Variants in ANKS1B observed in about 807,000 individuals in gnomAD.
ANKS1B encodes the protein ankyrin repeat and sterile alpha motif domain containing 1B, also known as ankyrin repeat and sterile alpha motif domain-containing protein 1B.
ANKS1B carries 36 observed loss-of-function variants against 148.3 expected under a neutral mutation model. The ratio of observed to expected loss-of-function variants is 0.24; its 90% CI spans 0.19 to 0.32. The LOEUF is 0.32. Among genes scored for constraint, ANKS1B ranks in the 10% least tolerant of loss-of-function variants. ANKS1B has a pLI of 1.00. For synonymous variants in ANKS1B, 542 were observed against 560.8 expected, an observed-to-expected ratio of 0.97 and a Z score of 0.47; for missense variants, 1,157 against 1,542.6, an observed-to-expected ratio of 0.75 and a Z score of 4.19.
intron 1 of ANKS1B, among the ~76,000 whole-genome samples, chr12:99,890,570 G>GGTGT (rs10603901): frequency 0.017 from 2,384 of 137,962 alleles, 25 homozygotes; most frequent in Non-Finnish European, 0.02. Flanking sequence ...TCGCATTCAT[G>GGTGT]GTGTGTGTGT....
At position 99,402,438 on chromosome 12, in the gene ANKS1B, T is replaced by C. The variant is rs1353643657; in HGVS notation, c.1576-2627A>G. ...GCCCAGGTATTAAGCCTAGTACTCA[T>C]TAGTTATTTTTCCTGATCCTCTCCC... is the stretch of plus-strand genomic sequence containing the variant. On this transcript the variant is annotated intron_variant, in intron 11 of 26. Coordinates refer to ENST00000683438, the MANE Select transcript of ANKS1B (RefSeq NM_001352186.2). 1.4e-5 allele frequency among the ~76,000 whole-genome samples: 2 copies of C among 145,684 alleles called. 1 individual carries two copies. The highest frequency in any genetic ancestry group is 5.2e-5 in the African/African-American group (2 of 38,226).
intron 1 of ANKS1B, among the ~76,000 whole-genome samples, chr12:99,857,822 T>C (rs930091290): frequency 6.6e-6 from 1 of 152,132 alleles, no homozygotes; most frequent in Non-Finnish European, 1.5e-5. Context: ...GCCGGGATAA[T>C]TGACTAGCCA....
intron 1 of ANKS1B, among the ~76,000 whole-genome samples, chr12:99,887,537 A>G (rs1418431637): frequency 6.6e-6 from 1 of 152,146 alleles, no homozygotes; most frequent in Non-Finnish European, 1.5e-5. Context: ...ATGGTTGAAT[A>G]ATAGAAGACA....
chr12:99,309,151 C>T (rs2082785656), intron 12 of ANKS1B, among the ~76,000 whole-genome samples: 1 of 151,810 alleles, frequency 6.6e-6, no homozygotes, highest in East Asian at 1.9e-4. Flanking sequence ...TCCTTTTCAA[C>T]CATTATGCCT....
At chr12:99,291,535 A>G (rs1245161784) in intron 12 of ANKS1B, among the ~76,000 whole-genome samples, 1 of 152,202 alleles carries the variant, frequency 6.6e-6, no homozygotes, top group African/African-American at 2.4e-5. Flanking sequence ...GTTCTAGCAT[A>G]AAAACAGGCA....
chr12:99,485,471 ATGCC>A (rs1466976649), intron 10 of ANKS1B, among the ~76,000 whole-genome samples: 3 of 152,242 alleles, frequency 2.0e-5, no homozygotes, highest in Admixed American at 6.5e-5. Flanking sequence ...TGATGACTAT[ATGCC>A]TTGGTAAATA....
chr12:98,832,206 G>A, intron 17 of ANKS1B, 70 bp from the exon 18 acceptor site: 1 of 1,251,100 alleles, frequency 8.0e-7, no homozygotes, highest in Admixed American at 2.4e-5. Flanking sequence ...CCTAAAACAT[G>A]TGGGGTGAAA....
chr12:99,116,885 G>A (rs2061550099), intron 15 of ANKS1B, among the ~76,000 whole-genome samples: 1 of 152,082 alleles, frequency 6.6e-6, no homozygotes, highest in Non-Finnish European at 1.5e-5. Context: ...TTGAGCAGTG[G>A]TTTGTAGTTC....
At chr12:99,533,339 C>T (rs1406858183) in intron 9 of ANKS1B, among the ~76,000 whole-genome samples, 2 of 152,028 alleles carry the variant, frequency 1.3e-5, no homozygotes, top group African/African-American at 4.8e-5. Flanking sequence ...TCAGCTTGGT[C>T]ATTGTTGGTG....
intron 17 of ANKS1B, among the ~76,000 whole-genome samples, chr12:98,852,623 A>G (rs561625805): frequency 6.6e-6 from 1 of 152,242 alleles, no homozygotes; most frequent in Admixed American, 6.5e-5. Flanking sequence ...ATCCCCACGG[A>G]CTATGAGTTT....
At chr12:98,919,527 C>T (rs1224578984) in intron 17 of ANKS1B, among the ~76,000 whole-genome samples, 2 of 152,190 alleles carry the variant, frequency 1.3e-5, no homozygotes, top group Non-Finnish European at 2.9e-5. Flanking sequence ...AATCAGAAGC[C>T]CTCAGTTCTT....
At chr12:99,258,553 C>G (rs977498824) in intron 12 of ANKS1B, among the ~76,000 whole-genome samples, 17 of 148,544 alleles carry the variant, frequency 1.1e-4, no homozygotes, top group Admixed American at 1.1e-3. Flanking sequence ...CTTGTCTCAA[C>G]AAGCTTTTAA....
intron 12 of ANKS1B, among the ~76,000 whole-genome samples, chr12:99,275,330 C>T (rs972192273): frequency 1.3e-5 from 2 of 152,104 alleles, no homozygotes; most frequent in African/African-American, 2.4e-5. Context: ...CTATTAACCA[C>T]CCCCTGTCCC....
chr12:99,214,222 T>C (rs552986519), intron 14 of ANKS1B, among the ~76,000 whole-genome samples: 3 of 152,342 alleles, frequency 2.0e-5, no homozygotes, highest in East Asian at 3.9e-4. Flanking sequence ...TTTCCTCTGA[T>C]GTAGTTTAAA....
intron 1 of ANKS1B, among the ~76,000 whole-genome samples, chr12:99,977,443 C>A (rs1251661009): frequency 1.3e-5 from 2 of 152,210 alleles, no homozygotes; most frequent in Admixed American, 1.3e-4. Context: ...GCCACCACGT[C>A]CAGACAGATC....
At chr12:99,139,233 C>T in intron 15 of ANKS1B, among the ~76,000 whole-genome samples, 1 of 143,038 alleles carries the variant, frequency 7.0e-6, no homozygotes, top group Non-Finnish European at 1.5e-5. Context: ...TCTTTCCTTC[C>T]TTCCTTCTCT....
chr12:99,440,609 A>G (rs1398254995), intron 11 of ANKS1B, among the ~76,000 whole-genome samples: 1 of 151,830 alleles, frequency 6.6e-6, no homozygotes, highest in Non-Finnish European at 1.5e-5. Context: ...AAGATCAAAC[A>G]CAGGATGCAG....
At chr12:99,897,852 T>TAAAAAAAA (rs3054223) in intron 1 of ANKS1B, among the ~76,000 whole-genome samples, 1 of 117,936 alleles carries the variant, frequency 8.5e-6, no homozygotes. Context: ...AATTAAAAGT[T>TAAAAAAAA]AAAAAAAAAA....
chr12:99,651,130 C>T (rs143587291), intron 9 of ANKS1B, among the ~76,000 whole-genome samples: 109 of 152,152 alleles, frequency 7.2e-4, no homozygotes, highest in African/African-American at 2.6e-3. Flanking sequence ...CCAAAGGCCC[C>T]TGTATATATT....
Sources: allele counts gnomAD v4.1 joint callset (sites outside exome capture counted in the v4.1 genomes callset), GRCh38; gene constraint gnomAD v4.1.1; transcripts MANE v1.5; gene names NCBI Gene and HGNC (gene_info 2026-07-23, HGNC 2026-07-21).